NUFIP1: variants seen among roughly 807,000 people sequenced by gnomAD.
The protein encoded by NUFIP1 is nuclear FMR1 interacting protein 1.
A neutral mutation model predicts 56.2 loss-of-function variants in NUFIP1; 38 were observed. The ratio of observed to expected loss-of-function variants is 0.68; its 90% CI spans 0.52 to 0.89. The LOEUF is 0.89. NUFIP1 is among the 40% of genes least tolerant of loss of function. The probability of loss-of-function intolerance (pLI) is 0.00; values close to 1 mark genes in which losing one functional copy is unlikely to be tolerated. For missense variants in NUFIP1, 567 were observed against 605.8 expected, an observed-to-expected ratio of 0.94 and a Z score of 0.67; for synonymous variants, 215 against 212.4, an observed-to-expected ratio of 1.01 and a Z score of -0.10.
intron 1 of NUFIP1, among the ~76,000 whole-genome samples, chr13:44,987,712 A>G (rs1333245298): frequency 6.6e-6 from 1 of 152,160 alleles, no homozygotes; most frequent in Non-Finnish European, 1.5e-5. Flanking sequence ...CCCTGGTCCA[A>G]GTCTCCAATA....
chr13:44,943,809 A>G, intron 8 of NUFIP1, 135 bp from the exon 9 acceptor site: 2 of 702,914 alleles, frequency 2.8e-6, no homozygotes, highest in Non-Finnish European at 4.6e-6. Context: ...AAACTATGAA[A>G]GATTTTTGCA....
At chr13:44,988,929 A>T (rs557491977) in intron 1 of NUFIP1, 96 bp downstream of exon 1, 1 of 1,261,362 alleles carries the variant, frequency 7.9e-7, no homozygotes, top group East Asian at 2.4e-5. Context: ...AAGAGTGCAG[A>T]GGCAAGGCAG....
At chr13:44,961,789 GT>G (rs375428601) in intron 6 of NUFIP1, among the ~76,000 whole-genome samples, 37 of 152,216 alleles carry the variant, frequency 2.4e-4, no homozygotes, top group Admixed American at 9.2e-4. Flanking sequence ...TGCCTTCCCC[GT>G]TATCTTTTCT....
Position 44,941,289 on chromosome 13 carries a change from C to T in NUFIP1, c.1405G>A (p.Val469Met), listed in dbSNP as rs777343869. The T allele has an allele frequency of 2.0e-5, 33 of 1,610,362 alleles. No individual in the cohort carries two copies. In the South Asian group the frequency reaches 3.1e-4, roughly 15 times the overall value. ...LAPDIRHERN[V>M]ILQCVRYIIK... ...ATGTACCGAACACACTGCAAAATCA[C>T]ATTTCTTTCATGTCGAATGTCCGGA... The change falls in exon 10 of 10, where the codon GTG becomes ATG. Residue 469 changes from valine to methionine, a missense_variant. Coordinates refer to ENST00000379161, the MANE Select transcript of NUFIP1 (RefSeq NM_012345.3).
At chr13:44,944,980 C>T (rs184705113) in intron 8 of NUFIP1, among the ~76,000 whole-genome samples, 2 of 152,104 alleles carry the variant, frequency 1.3e-5, no homozygotes, top group East Asian at 3.9e-4. Context: ...ATTATCTATG[C>T]TTCTACTGTA....
At chr13:44,977,109 G>A (rs943493848) in intron 5 of NUFIP1, among the ~76,000 whole-genome samples, 17 of 152,154 alleles carry the variant, frequency 1.1e-4, no homozygotes, top group African/African-American at 4.1e-4. Context: ...CTTGCAATTG[G>A]CTAAGGCTCC....
chr13:44,959,935 C>CTTT (rs780739517), intron 6 of NUFIP1, among the ~76,000 whole-genome samples: 1 of 143,068 alleles, frequency 7.0e-6, no homozygotes, highest in Non-Finnish European at 1.5e-5. Flanking sequence ...TTTTTCTTCT[C>CTTT]TTTTTTTTTT....
chr13:44,972,135 C>T (rs1310047959), intron 5 of NUFIP1, among the ~76,000 whole-genome samples: 2 of 152,194 alleles, frequency 1.3e-5, no homozygotes, highest in African/African-American at 4.8e-5. Context: ...ATGCTTACCA[C>T]ATGACCAACC....
intron 3 of NUFIP1, among the ~76,000 whole-genome samples, chr13:44,980,319 T>C (rs367735180): frequency 1.1e-4 from 16 of 152,360 alleles, no homozygotes; most frequent in African/African-American, 3.6e-4. Flanking sequence ...TAAAGTTTTC[T>C]AGCTAGTACC....
intron 5 of NUFIP1, among the ~76,000 whole-genome samples, chr13:44,977,737 GA>G (rs751912635): frequency 5.3e-5 from 8 of 152,156 alleles, no homozygotes; most frequent in South Asian, 2.1e-4. Flanking sequence ...TGACTGGTTG[GA>G]CCTGACTTGT....
intron 8 of NUFIP1, among the ~76,000 whole-genome samples, chr13:44,947,097 A>G (rs1008924572): frequency 6.6e-6 from 1 of 152,214 alleles, no homozygotes; most frequent in African/African-American, 2.4e-5. Context: ...AAGTCTACGC[A>G]TTATTGTGCA....
At chr13:44,956,141 C>CAAA (rs371458350) in intron 7 of NUFIP1, among the ~76,000 whole-genome samples, 26 of 61,388 alleles carry the variant, frequency 4.2e-4, no homozygotes, top group African/African-American at 9.9e-4. Flanking sequence ...GACTCCGTCT[C>CAAA]AAAAAAAAAA....
intron 6 of NUFIP1, among the ~76,000 whole-genome samples, chr13:44,963,938 T>G (rs1178860415): frequency 1.3e-5 from 2 of 152,234 alleles, no homozygotes; most frequent in Admixed American, 6.5e-5. Context: ...ATAACACATC[T>G]TGCTTTAACA....
chr13:44,946,687 A>T (rs960810130), intron 8 of NUFIP1, among the ~76,000 whole-genome samples: 2 of 152,320 alleles, frequency 1.3e-5, no homozygotes, highest in South Asian at 4.1e-4. Context: ...CTAATTCTTA[A>T]GTCAAGACAG....
chr13:44,985,208 A>G (rs1258890138), intron 1 of NUFIP1, among the ~76,000 whole-genome samples: 1 of 152,232 alleles, frequency 6.6e-6, no homozygotes, highest in Non-Finnish European at 1.5e-5. Context: ...AGCCTATTCA[A>G]TATCTCTACC....
At chr13:44,959,233 G>C in intron 7 of NUFIP1, 148 bp downstream of exon 7, 1 of 708,784 alleles carries the variant, frequency 1.4e-6, no homozygotes, top group Non-Finnish European at 2.3e-6. Context: ...TTTTAAACAA[G>C]ATGCTCCTAT....
intron 7 of NUFIP1, among the ~76,000 whole-genome samples, chr13:44,951,996 G>A (rs1871098054): frequency 6.6e-6 from 1 of 152,072 alleles, no homozygotes; most frequent in South Asian, 2.1e-4. Flanking sequence ...TATTCCCTTA[G>A]GTATCAGCCT....
chr13:44,983,177 AT>A (rs1021109061), intron 1 of NUFIP1, among the ~76,000 whole-genome samples: 1 of 151,142 alleles, frequency 6.6e-6, no homozygotes, highest in Non-Finnish European at 1.5e-5. Context: ...ATTTTATTTT[AT>A]TTTTTTTGGC....
intron 5 of NUFIP1, among the ~76,000 whole-genome samples, chr13:44,966,933 G>A (rs372674027): frequency 2.7e-4 from 41 of 150,394 alleles, no homozygotes; most frequent in Admixed American, 9.3e-4. Context: ...AGATCGTGCC[G>A]CTGCACTCCA....
Sources: allele counts gnomAD v4.1 joint callset (sites outside exome capture counted in the v4.1 genomes callset), GRCh38; gene constraint gnomAD v4.1.1; transcripts MANE v1.5; gene names NCBI Gene and HGNC (gene_info 2026-07-23, HGNC 2026-07-21).